The following CARMIL3 variants were observed in gnomAD, a reference collection of about 807,000 sequenced individuals.
CARMIL3 encodes the protein capping protein, Arp2/3 and myosin-I linker protein 3.
Under a neutral mutation model 180.8 loss-of-function variants are expected in CARMIL3, and 88 were observed. The observed-to-expected ratio is 0.49, with a 90% CI of 0.41 to 0.58. The LOEUF is 0.58. Ranked by LOEUF, CARMIL3 falls within the 20% of genes least tolerant of loss-of-function variation. The probability of loss-of-function intolerance (pLI) is 0.00; values close to 1 mark genes in which losing one functional copy is unlikely to be tolerated. For synonymous variants in CARMIL3, 696 were observed against 714.5 expected (o/e 0.97, Z 0.41); for missense variants, 1,548 against 1,787.0 (o/e 0.87, Z 2.41).
intron 1 of CARMIL3, among the ~76,000 whole-genome samples, chr14:24,052,951 CAG>C (rs746648523): frequency 8.5e-5 from 13 of 152,316 alleles, no homozygotes; most frequent in Non-Finnish European, 1.9e-4. Flanking sequence ...CGTGGATACT[CAG>C]AGGCATGCTG....
rs2035718610 is a variant in CARMIL3, at chr14:24,060,206, A to G, written c.2012A>G (p.Glu671Gly). The G allele has an allele frequency of 6.2e-7, 1 of 1,614,090 alleles. No homozygotes were observed. ...RNNHSQTCPQ[E>G]QAFRLQQGLV... is the part of the protein sequence containing the mutation. The stretch of plus-strand genomic sequence containing the variant: ...AACCACTCCCAGACGTGCCCCCAGG[A>G]GCAGGCCTTCAGGTTGCAGCAGGGC... The change falls in exon 24 of 40, where the codon GAG (glutamate) becomes GGG (glycine). Residue 671 changes from glutamate to glycine, a missense_variant. Physicochemically the swap from Glu to Gly is moderately conservative, Grantham distance 98 (BLOSUM62 -2). Around this residue, in one of 4 missense-constraint regions of CARMIL3, gnomAD observed 297 missense variants for 415.9 expected, o/e 0.71. Transcript: ENST00000342740.
chr14:24,055,499 A>G (rs1000863100), intron 8 of CARMIL3, 44 bp from the exon 9 acceptor site: 6 of 1,607,044 alleles, frequency 3.7e-6, no homozygotes, highest in East Asian at 4.5e-5. Flanking sequence ...TTCTGACCCA[A>G]CCACCTGCTC....
chr14:24,057,769 G>C (rs2035686219), intron 14 of CARMIL3, 34 bp from the exon 15 acceptor site: 1 of 1,587,908 alleles, frequency 6.3e-7, no homozygotes. Context: ...CCCCCTTCCA[G>C]CTCCCCTGAG....
At chr14:24,063,240 T>A in intron 30 of CARMIL3, 57 bp downstream of exon 30, 1 of 1,595,982 alleles carries the variant, frequency 6.3e-7, no homozygotes, top group Non-Finnish European at 8.6e-7. Context: ...CTGTAGCCCC[T>A]CTTTCCCTTG....
At chr14:24,052,743 A>G (rs73603037) in intron 1 of CARMIL3, among the ~76,000 whole-genome samples, 5,825 of 152,318 alleles carry the variant, frequency 0.038, 378 homozygotes, top group African/African-American at 0.13. Context: ...CAAGAGCAGG[A>G]GGGTCTCTGA....
chr14:24,055,687 C>G lies in CARMIL3; in HGVS notation c.682-14C>G, dbSNP rs1454927877. 32 of 1,614,002 alleles carry G rather than the reference C, an allele frequency of 2.0e-5. No individual in the cohort carries two copies. The highest frequency in any genetic ancestry group is 2.1e-5 in the Non-Finnish European group (25 of 1,179,922). ...CCCTTGGCCCCTGATCACAAGACCC[C>G]CCTCTGTCCTCAGGGCTCTGAAGTG... On this transcript the variant is annotated splice_polypyrimidine_tract_variant and intron_variant, in intron 9 of 39. Coordinates refer to ENST00000342740, the MANE Select transcript of CARMIL3 (RefSeq NM_138360.4).
Position 24,059,767 on chromosome 14 carries a change from C to T in CARMIL3, c.1868+35C>T, listed in dbSNP as rs756487253. 6.2e-6 allele frequency: 10 copies of T among 1,608,158 alleles called. No homozygotes were observed. Among genetic ancestry groups the T allele is most frequent in the Non-Finnish European group, 8.5e-6 (10 of 1,175,162 alleles). ...CCATGGTCCTGCCCTGATCCAAGTCCCCAGCCTCCCTGTGCCTGGATCAGG... is the reference window on the plus strand; with the variant it reads ...CCATGGTCCTGCCCTGATCCAAGTCTCCAGCCTCCCTGTGCCTGGATCAGG... On this transcript the variant is annotated intron_variant, in intron 22 of 39. Coordinates refer to ENST00000342740, the MANE Select transcript of CARMIL3 (RefSeq NM_138360.4). This position sits in a 1 kb window ranked among gnomAD's most constrained non-coding sequence, Gnocchi z 6.3.
In CARMIL3 at chr14:24,065,189, C is replaced by T. The variant is rs2035773792; in HGVS notation, c.3312C>T (p.Ser1104=). 2 of 1,541,778 alleles carry T rather than the reference C, an allele frequency of 1.3e-6. No homozygotes were observed. The highest frequency in any genetic ancestry group is 8.7e-7 in the Non-Finnish European group (1 of 1,150,088). ...SPDPPSLGNN[S]SPCWSPEEES... ...ACCCCCCAAGCCTCGGCAATAACTCCTCTCCCTGCTGGAGCCCAGAGGAGG... is the reference window on the plus strand; with the variant it reads ...ACCCCCCAAGCCTCGGCAATAACTCTTCTCCCTGCTGGAGCCCAGAGGAGG... The change falls in exon 33 of 40, where the codon TCC becomes TCT. Residue 1104 remains serine, a synonymous_variant. Coordinates refer to ENST00000342740, the MANE Select transcript of CARMIL3 (RefSeq NM_138360.4).
intron 27 of CARMIL3, 132 bp from the exon 28 acceptor site, chr14:24,062,348 C>T: frequency 1.2e-6 from 1 of 827,282 alleles, no homozygotes; most frequent in Admixed American, 1.8e-5. Flanking sequence ...CTTCAGCAGC[C>T]ACATGCGCTC....
At position 24,059,551 on chromosome 14, in the gene CARMIL3, C is replaced by T. The variant is rs968974006; in HGVS notation, c.1799+109C>T. ...TGGACCCCAGCTTCCAGAAGACCCC[C>T]AGCCCCAGAACCATCTCTGAGTCAG... On this transcript the variant is annotated intron_variant, in intron 21 of 39. Transcript: ENST00000342740. The surrounding 1 kb of genome is among the most constrained non-coding windows in gnomAD (Gnocchi z 6.3). 5 of 1,513,418 alleles carry T rather than the reference C, an allele frequency of 3.3e-6. No homozygotes were observed. The African/African-American group carries it at 5.5e-5, about 17-fold the overall frequency. The allele number at this position is 1,513,418 out of a possible 1,614,324, so 93.7% of individuals were successfully genotyped here.
chr14:24,063,011 C>G, intron 29 of CARMIL3, 109 bp from the exon 30 acceptor site: 1 of 1,545,594 alleles, frequency 6.5e-7, no homozygotes, highest in Middle Eastern at 2.0e-4. Flanking sequence ...ATCCCAGTGC[C>G]TCAGCCCCCT....
At position 24,063,494 on chromosome 14, in the gene CARMIL3, C is replaced by G. The variant is rs764697513; in HGVS notation, c.2940C>G (p.Arg980=). 6.2e-7 allele frequency: 1 copy of G among 1,612,818 alleles called. No homozygotes were observed. Among genetic ancestry groups the G allele is most frequent in the Non-Finnish European group, 8.5e-7 (1 of 1,179,788 alleles). ...KLRHQTQGRP[R]PPRTTPPGPG... ...GGCATCAAACACAAGGGAGGCCCCGCCCCCCCAGGACCACACCTCCAGGAC... is the reference window on the plus strand; with the variant it reads ...GGCATCAAACACAAGGGAGGCCCCGGCCCCCCAGGACCACACCTCCAGGAC... The change falls in exon 31 of 40, where the codon CGC becomes CGG. Residue 980 remains arginine (R), a synonymous_variant. Transcript: ENST00000342740.
At chr14:24,063,587 C>T in intron 31 of CARMIL3, 54 bp downstream of exon 31, 1 of 1,529,832 alleles carries the variant, frequency 6.5e-7, no homozygotes, top group Non-Finnish European at 8.8e-7. Flanking sequence ...ACACCAGAGC[C>T]AGGAGTTTTA....
intron 38 of CARMIL3, 29 bp downstream of exon 38, chr14:24,068,995 C>G: frequency 6.5e-7 from 1 of 1,540,486 alleles, no homozygotes; most frequent in African/African-American, 1.4e-5. Flanking sequence ...GTGGGGGGCT[C>G]AGGGCACCTC....
At chr14:24,068,064 A>G (rs1329338156) in intron 36 of CARMIL3, among the ~76,000 whole-genome samples, 3 of 152,246 alleles carry the variant, frequency 2.0e-5, no homozygotes, top group African/African-American at 7.2e-5. Context: ...TGGCCTCAGG[A>G]TGATCCTGGG....
rs1230867816 is a variant in CARMIL3, at chr14:24,069,215, A to C, written c.4061A>C (p.Glu1354Ala). 6.2e-7 allele frequency: 1 copy of C among 1,613,830 alleles called. No homozygotes were observed. Among genetic ancestry groups the C allele is most frequent in the African/African-American group, 1.3e-5 (1 of 74,848 alleles). The change falls in exon 39 of 40, where the codon GAA becomes GCA. Residue 1354 changes from glutamate to alanine, a missense_variant. Physicochemically the swap from Glu to Ala is moderately radical, Grantham distance 107. Transcript: ENST00000342740. ...CGGGCACAGTCCTGTGACAAGCTGG[A>C]ACCTGATAGAAGACGGCCTCCTGAC... ...TRRAQSCDKL[E>A]PDRRRPPDPT...
chr14:24,063,557 AG>A, intron 31 of CARMIL3, 24 bp downstream of exon 31: 1 of 1,583,582 alleles, frequency 6.3e-7, no homozygotes. Flanking sequence ...GCTTCACAAG[AG>A]GATCCCCTTC....
rs2035689906 is a variant in CARMIL3, at chr14:24,057,962, A to C, written c.1220A>C (p.Lys407Thr). 6.2e-7 allele frequency: 1 copy of C among 1,613,446 alleles called. No homozygotes were observed. The highest frequency in any genetic ancestry group is 2.2e-5 in the East Asian group (1 of 44,860). The part of the protein sequence containing the change: ...NLARNSCSHR[K>T]GREAPPAFKQ... ...TGACCCCAGGGGTCTCTCCACAGGA[A>C]GGGTCGAGAGGCCCCGCCGGCCTTC... The change falls in exon 16 of 40, where the codon AAG becomes ACG. Residue 407 changes from lysine to threonine, a missense_variant and splice_region_variant. This residue lies in a region of CARMIL3 where 578 missense variants were observed against 666.5 expected (regional missense o/e 0.87). Coordinates refer to ENST00000342740, the MANE Select transcript of CARMIL3 (RefSeq NM_138360.4).
In CARMIL3 at chr14:24,059,694, T is replaced by A; in HGVS notation, c.1830T>A (p.Ser610=). The A allele has an allele frequency of 6.2e-7, 1 of 1,614,082 alleles. No individual in the cohort carries two copies. The highest frequency in any genetic ancestry group is 8.5e-7 in the Non-Finnish European group (1 of 1,179,994). Residue 610 remains serine, a synonymous_variant, in exon 22 of 40, where the codon TCT becomes TCA. Transcript: ENST00000342740. This position sits in a 1 kb window ranked among gnomAD's most constrained non-coding sequence, Gnocchi z 6.3. The part of the protein sequence containing the change: ...RTILWDRNNT[S]ALGFLDIARA... ...TCCTATGGGATCGGAACAATACATC[T>A]GCCCTGGGCTTCCTGGACATCGCAA...
Sources: gnomAD v4.1 joint callset for allele counts (sites outside exome capture counted in the v4.1 genomes callset) on GRCh38, gnomAD v4.1.1 for gene constraint, gnomAD v4.1.1 regional missense constraint, Gnocchi (gnomAD v3.1) non-coding constraint, MANE v1.5 for transcripts, NCBI Gene and HGNC (gene_info 2026-07-23, HGNC 2026-07-21) for gene names.